Variants in SPATS2L observed in about 807,000 individuals in gnomAD.
The protein encoded by SPATS2L is SPATS2-like protein.
In SPATS2L, 30 loss-of-function variants were observed where a neutral mutation model predicts 59.6. The observed-to-expected ratio is 0.50, with a 90% confidence interval of 0.38 to 0.68. The LOEUF (loss-of-function observed/expected upper bound fraction) is 0.68. Ranked by LOEUF, SPATS2L falls within the 30% of genes least tolerant of loss-of-function variation. The probability of loss-of-function intolerance (pLI) is 0.00; values close to 1 mark genes in which losing one functional copy is unlikely to be tolerated. For synonymous variants in SPATS2L, 252 were observed against 263.5 expected, an observed-to-expected ratio of 0.96 and a Z score of 0.42; for missense variants, 615 against 700.0, an observed-to-expected ratio of 0.88 and a Z score of 1.37.
chr2:200,423,113 C>T (rs1164258723), intron 6 of SPATS2L, among the ~76,000 whole-genome samples: 2 of 152,178 alleles, frequency 1.3e-5, no homozygotes, highest in African/African-American at 4.8e-5. Flanking sequence ...TCACATTACT[C>T]AGAACAGTAT....
At chr2:200,436,716 T>C (rs186825840) in intron 6 of SPATS2L, among the ~76,000 whole-genome samples, 1 of 152,352 alleles carries the variant, frequency 6.6e-6, no homozygotes, top group East Asian at 1.9e-4. Context: ...CATTAAGTTA[T>C]AGTATAAATC....
intron 2 of SPATS2L, among the ~76,000 whole-genome samples, chr2:200,357,911 T>A (rs1473260835): frequency 6.6e-6 from 1 of 152,154 alleles, no homozygotes; most frequent in Non-Finnish European, 1.5e-5. Flanking sequence ...CAGTTTGAAT[T>A]TATAACTGAA....
At chr2:200,331,567 C>A (rs1051723610) in intron 2 of SPATS2L, among the ~76,000 whole-genome samples, 1 of 152,044 alleles carries the variant, frequency 6.6e-6, no homozygotes, top group Non-Finnish European at 1.5e-5. Flanking sequence ...GGAATATAGA[C>A]CGAGGCTCCA....
rs780120821 is a variant in SPATS2L, at chr2:200,439,210, G to C, written c.534G>C (p.Gln178His). Residue 178 changes from glutamine (Q) to histidine (H), a missense_variant, in exon 7 of 13, where the codon CAG (glutamine) becomes CAC (histidine). This residue lies in a region of SPATS2L where 227 missense variants were observed against 257.4 expected (regional missense o/e 0.88). Transcript: ENST00000409140. ...CAACAGAGAGGTCAGATGGCCTACA[G>C]TGGTCAGCTGAGCAGCCTTGTAACC... ...HGTTERSDGL[Q>H]WSAEQPCNPS... 1 of 1,613,660 alleles carries C rather than the reference G, an allele frequency of 6.2e-7. No homozygotes were observed. The highest frequency in any genetic ancestry group is 8.5e-7 in the Non-Finnish European group (1 of 1,179,658).
At chr2:200,446,388 G>A (rs2085045329) in intron 8 of SPATS2L, among the ~76,000 whole-genome samples, 1 of 152,182 alleles carries the variant, frequency 6.6e-6, no homozygotes, top group African/African-American at 2.4e-5. Flanking sequence ...AAAACTGCTG[G>A]TTGAGAGTCT....
intron 1 of SPATS2L, among the ~76,000 whole-genome samples, chr2:200,308,098 G>A (rs1046544471): frequency 6.6e-6 from 1 of 152,006 alleles, no homozygotes. Context: ...TAGTAAGGTC[G>A]TGTAACCTTT....
intron 2 of SPATS2L, among the ~76,000 whole-genome samples, chr2:200,362,877 G>A (rs1168229538): frequency 6.6e-6 from 1 of 152,192 alleles, no homozygotes; most frequent in Non-Finnish European, 1.5e-5. Flanking sequence ...TTTCAATGAT[G>A]AGATACACCT....
chr2:200,325,748 A>G (rs539503725), intron 1 of SPATS2L, among the ~76,000 whole-genome samples: 1 of 152,030 alleles, frequency 6.6e-6, no homozygotes, highest in African/African-American at 2.4e-5. Context: ...ATTTCTACTT[A>G]CTCTTTCTCT....
chr2:200,468,423 C>T (rs2086779722), intron 10 of SPATS2L, among the ~76,000 whole-genome samples: 1 of 138,064 alleles, frequency 7.2e-6, no homozygotes, highest in Admixed American at 7.9e-5. Context: ...AGAGTGGTTG[C>T]AAGACACAGC....
chr2:200,364,211 CA>C (rs1238557518), intron 2 of SPATS2L, among the ~76,000 whole-genome samples: 2 of 152,084 alleles, frequency 1.3e-5, no homozygotes. Flanking sequence ...TTCTGACTTA[CA>C]AAACTGTAAG....
chr2:200,447,173 T>A, intron 8 of SPATS2L, among the ~76,000 whole-genome samples: 1 of 152,232 alleles, frequency 6.6e-6, no homozygotes, highest in East Asian at 1.9e-4. Flanking sequence ...ATCTGAGACA[T>A]GTAAAGATAA....
intron 5 of SPATS2L, among the ~76,000 whole-genome samples, chr2:200,416,675 T>C (rs189861081): frequency 1.0e-3 from 154 of 152,316 alleles, no homozygotes; most frequent in African/African-American, 3.4e-3. Context: ...AGAGTTGTTC[T>C]CTTTTTTAAG....
At chr2:200,441,732 G>A (rs976604024) in intron 8 of SPATS2L, among the ~76,000 whole-genome samples, 11 of 152,164 alleles carry the variant, frequency 7.2e-5, no homozygotes, top group African/African-American at 2.2e-4. Context: ...TCTGAGAGAG[G>A]GCTTCATCTG....
intron 8 of SPATS2L, among the ~76,000 whole-genome samples, chr2:200,445,862 T>C: frequency 6.6e-6 from 1 of 152,128 alleles, no homozygotes; most frequent in Non-Finnish European, 1.5e-5. Context: ...CTGTGTGTCC[T>C]TTGGGTTTTT....
intron 8 of SPATS2L, among the ~76,000 whole-genome samples, chr2:200,447,871 A>AT (rs1354226504): frequency 6.6e-6 from 1 of 152,258 alleles, no homozygotes; most frequent in Non-Finnish European, 1.5e-5. Context: ...AATTATCAGG[A>AT]ATGTGTTAAA....
At chr2:200,315,235 T>A (rs2079329096) in intron 1 of SPATS2L, among the ~76,000 whole-genome samples, 2 of 152,180 alleles carry the variant, frequency 1.3e-5, no homozygotes, top group Non-Finnish European at 2.9e-5. Context: ...TTGGATAAGA[T>A]TCAGAATTGG....
chr2:200,441,372 TA>T (rs2084687342), intron 8 of SPATS2L, among the ~76,000 whole-genome samples: 2 of 152,222 alleles, frequency 1.3e-5, no homozygotes, highest in Non-Finnish European at 2.9e-5. Flanking sequence ...TATCTGTTAA[TA>T]AAGGTTTAGT....
At chr2:200,326,556 T>C (rs2079750781) in intron 1 of SPATS2L, among the ~76,000 whole-genome samples, 1 of 152,204 alleles carries the variant, frequency 6.6e-6, no homozygotes, top group Non-Finnish European at 1.5e-5. Context: ...GGTTTATGCA[T>C]GTATTCCAAC....
At chr2:200,330,437 G>A (rs188913712) in intron 2 of SPATS2L, among the ~76,000 whole-genome samples, 45 of 152,258 alleles carry the variant, frequency 3.0e-4, no homozygotes, top group South Asian at 1.2e-3. Flanking sequence ...GAATAGAATC[G>A]AATATTTTAC....
Sources: allele counts gnomAD v4.1 joint callset (sites outside exome capture counted in the v4.1 genomes callset), GRCh38; gene constraint gnomAD v4.1.1; regional missense constraint gnomAD v4.1.1; transcripts MANE v1.5; gene names NCBI Gene and HGNC (gene_info 2026-07-23, HGNC 2026-07-21).